The following NTN1 variants were observed in gnomAD, a reference collection of about 807,000 sequenced individuals.
The protein encoded by NTN1 is netrin 1, also known as netrin-1.
Under a neutral mutation model 54.2 loss-of-function variants are expected in NTN1, and 11 were observed. The ratio of observed to expected loss-of-function variants is 0.20; its 90% CI spans 0.13 to 0.34. The LOEUF (loss-of-function observed/expected upper bound fraction) is 0.34. Among genes scored for constraint, NTN1 ranks in the 10% least tolerant of loss-of-function variants. NTN1 has a pLI of 1.00. For missense variants in NTN1, 740 were observed against 893.1 expected (o/e 0.83, Z 2.18); for synonymous variants, 371 against 382.0 (o/e 0.97, Z 0.33).
intron 2 of NTN1, among the ~76,000 whole-genome samples, chr17:9,044,686 G>A (rs143752579): frequency 6.6e-6 from 1 of 151,988 alleles, no homozygotes; most frequent in Admixed American, 6.6e-5. Flanking sequence ...AATCTAATTG[G>A]GATTTTATTC....
Position 9,202,567 on chromosome 17 carries a change from T to C in NTN1, c.1412-18601T>C, listed in dbSNP as rs551883528. On this transcript the variant is annotated intron_variant, in intron 5 of 6. Coordinates refer to ENST00000173229, the MANE Select transcript of NTN1 (RefSeq NM_004822.3). Reference sequence around the variant, plus strand: ...ATTTGGTCTTGCCGGTGGGGGGACTTCAGTATCTACCATGGTGTGACATTG... The same window carrying C: ...ATTTGGTCTTGCCGGTGGGGGGACTCCAGTATCTACCATGGTGTGACATTG... Among the ~76,000 whole-genome samples the C allele has an allele frequency of 2.0e-5, 3 of 152,276 alleles. No individual in the cohort carries two copies. The East Asian group carries it at 5.8e-4, about 29-fold the overall frequency.
chr17:9,146,299 G>A (rs976153130), intron 2 of NTN1, among the ~76,000 whole-genome samples: 5 of 152,186 alleles, frequency 3.3e-5, no homozygotes, highest in Non-Finnish European at 7.3e-5. Flanking sequence ...TCACTGTTAC[G>A]GTGGCTGAGT....
At chr17:9,006,943 C>T in the NTN1 span, among the ~76,000 whole-genome samples, 2 of 152,388 alleles carry the variant, frequency 1.3e-5, no homozygotes, top group South Asian at 2.1e-4. Flanking sequence ...CACAATTTCA[C>T]TTCCAGCTTC....
chr17:9,027,622 C>T (rs2091875470), intron 2 of NTN1, among the ~76,000 whole-genome samples: 1 of 152,080 alleles, frequency 6.6e-6, no homozygotes, highest in Non-Finnish European at 1.5e-5. Context: ...GGGCGTGGTT[C>T]CCTGGTTGTG....
intron 3 of NTN1, among the ~76,000 whole-genome samples, chr17:9,167,617 CAA>C (rs1361540105): frequency 6.6e-6 from 1 of 152,188 alleles, no homozygotes; most frequent in Non-Finnish European, 1.5e-5. Flanking sequence ...GCTTGAGTCC[CAA>C]GCAAGAAGAT....
intron 2 of NTN1, among the ~76,000 whole-genome samples, chr17:9,044,741 CA>C (rs11299289): frequency 0.78 from 118,625 of 151,664 alleles, 46,588 homozygotes; most frequent in East Asian, 0.97. Context: ...CTGCTTGGGG[CA>C]AAAAAAAATA....
chr17:9,093,517 C>T (rs1001855472), intron 2 of NTN1, among the ~76,000 whole-genome samples: 5 of 152,172 alleles, frequency 3.3e-5, no homozygotes, highest in Non-Finnish European at 7.3e-5. Context: ...CAAGAGCCTC[C>T]ACACTTGGCG....
intron 6 of NTN1, among the ~76,000 whole-genome samples, chr17:9,227,898 T>C (rs3785992): frequency 0.8 from 121,617 of 151,678 alleles, 48,813 homozygotes; most frequent in African/African-American, 0.85. Context: ...CCCACCACTA[T>C]ACGCATACCA....
intron 5 of NTN1, among the ~76,000 whole-genome samples, chr17:9,185,855 A>G (rs988291937): frequency 1.3e-5 from 2 of 152,216 alleles, no homozygotes; most frequent in African/African-American, 2.4e-5. Flanking sequence ...GGAGTCTGGT[A>G]TGGAGCCAGG....
chr17:9,221,249 G>T lies in NTN1; in HGVS notation c.1486+7G>T, dbSNP rs1337930469. The T allele has an allele frequency of 6.2e-7, 1 of 1,608,930 alleles. No homozygotes were observed. Among genetic ancestry groups the T allele is most frequent in the South Asian group, 1.1e-5 (1 of 90,942 alleles). On this transcript the variant is annotated splice_region_variant and intron_variant, in intron 6 of 6. Transcript: ENST00000173229. The surrounding 1 kb of genome is among the most constrained non-coding windows in gnomAD (Gnocchi z 4.5). The stretch of plus-strand genomic sequence containing the variant: ...TACTGCAAGAAGGACTATGGTGAGT[G>T]AGAGTCCCCTTGTCTGGGGAGGATG...
intron 5 of NTN1, among the ~76,000 whole-genome samples, chr17:9,193,580 C>T (rs953988995): frequency 1.3e-5 from 2 of 152,162 alleles, no homozygotes; most frequent in African/African-American, 2.4e-5. Context: ...CTTCTTGGTT[C>T]TCCCCCAAAT....
chr17:9,233,996 T>C (rs1204069478), intron 6 of NTN1, among the ~76,000 whole-genome samples: 1 of 152,168 alleles, frequency 6.6e-6, no homozygotes, highest in African/African-American at 2.4e-5. Flanking sequence ...CCCTGCCCCA[T>C]TGGCTGTAAC....
rs745625325 is a variant in NTN1 at position 9,183,253 on chromosome 17, C to T, written c.1411+284C>T. On this transcript the variant is annotated intron_variant, in intron 5 of 6. Transcript: ENST00000173229. ...TCCTTCTACTTGTCCACCAGCTGCC[C>T]GCCAGCCCAACACCTTCCAGGCTGA... 1.0e-4 allele frequency: 64 copies of T among 634,320 alleles called. 2 individuals carry two copies. Among genetic ancestry groups the T allele is most frequent in the South Asian group, 5.3e-4 (35 of 65,890 alleles). 39.3% of individuals were successfully genotyped at this position (634,320 alleles called of 1,614,324 possible).
intron 2 of NTN1, among the ~76,000 whole-genome samples, chr17:9,126,947 C>T (rs954941459): frequency 2.0e-5 from 3 of 151,662 alleles, no homozygotes; most frequent in Admixed American, 6.6e-5. Flanking sequence ...CAGGGTACCA[C>T]GTGTCTCATG....
chr17:9,116,107 T>C (rs2092211250), intron 2 of NTN1, among the ~76,000 whole-genome samples: 1 of 152,214 alleles, frequency 6.6e-6, no homozygotes, highest in African/African-American at 2.4e-5. Flanking sequence ...ACATTGCCTC[T>C]TGGTCCTAGC....
At chr17:9,152,667 C>T (rs2092330948) in intron 2 of NTN1, among the ~76,000 whole-genome samples, 1 of 152,220 alleles carries the variant, frequency 6.6e-6, no homozygotes, top group African/African-American at 2.4e-5. Context: ...TCCAGGGTCC[C>T]CTCCCAAAGG....
At chr17:9,109,748 G>T (rs4791788) in intron 2 of NTN1, among the ~76,000 whole-genome samples, 110,021 of 152,166 alleles carry the variant, frequency 0.72, 40,022 homozygotes, top group East Asian at 0.95. Context: ...AATTTTCATC[G>T]GCCTATATTC....
chr17:9,219,575 C>T lies in NTN1; in HGVS notation c.1412-1593C>T, dbSNP rs775934571. Among the ~76,000 whole-genome samples, 43 of 152,318 alleles carry T rather than the reference C, an allele frequency of 2.8e-4. 1 individual carries two copies. Among genetic ancestry groups the T allele is most frequent in the South Asian group, 8.3e-4 (4 of 4,816 alleles). On this transcript the variant is annotated intron_variant, in intron 5 of 6. Transcript: ENST00000173229. The surrounding 1 kb of genome is among the most constrained non-coding windows in gnomAD (Gnocchi z 4.5). ...GCTGCATTGATCTTCATTGAGGCAC[C>T]AGTCAATGTATCTCAGGACCTCGAT...
chr17:9,058,171 T>C (rs1242524669), intron 2 of NTN1, among the ~76,000 whole-genome samples: 1 of 152,238 alleles, frequency 6.6e-6, no homozygotes, highest in African/African-American at 2.4e-5. Context: ...ATTACAGGCA[T>C]GAGCCACTAT....
Sources: gnomAD v4.1 joint callset for allele counts (sites outside exome capture counted in the v4.1 genomes callset) on GRCh38, gnomAD v4.1.1 for gene constraint, Gnocchi (gnomAD v3.1) non-coding constraint, MANE v1.5 for transcripts, NCBI Gene and HGNC (gene_info 2026-07-23, HGNC 2026-07-21) for gene names.